The following OSBPL2 variants were observed in gnomAD, a reference collection of about 807,000 sequenced individuals.
OSBPL2 encodes oxysterol binding protein like 2, also known as oxysterol-binding protein-related protein 2.
Under a neutral mutation model 58.4 loss-of-function variants are expected in OSBPL2, and 18 were observed. The ratio of observed to expected loss-of-function variants is 0.31; its 90% confidence interval spans 0.21 to 0.46. The LOEUF is 0.46. Ranked by LOEUF, OSBPL2 falls within the 20% of genes least tolerant of loss-of-function variation. The pLI is 1.00. For missense variants in OSBPL2, 461 were observed against 616.5 expected (o/e 0.75, Z 2.67); for synonymous variants, 221 against 234.1 (o/e 0.94, Z 0.51).
At chr20:62,263,758 C>T in intron 4 of OSBPL2, 67 bp downstream of exon 4, 1 of 1,422,758 alleles carries the variant, frequency 7.0e-7, no homozygotes, top group African/African-American at 1.4e-5. Flanking sequence ...TATTGCAGTG[C>T]TGGTGGTTTA....
chr20:62,284,323 A>G (rs768556562), intron 10 of OSBPL2, 154 bp downstream of exon 10: 4 of 797,828 alleles, frequency 5.0e-6, no homozygotes, highest in South Asian at 4.6e-5. Context: ...CAGATGAACC[A>G]TATATTGTGG....
rs1982667577 is a variant in OSBPL2 at position 62,279,878 on chromosome 20, A to T, written c.674+539A>T. The T allele has an allele frequency of 1.7e-5, 19 of 1,127,002 alleles. 1 individual carries two copies. In the South Asian group the frequency reaches 2.7e-4, roughly 16 times the overall value. 69.8% of individuals were successfully genotyped at this position (1,127,002 alleles called of 1,614,324 possible). A position where few individuals can be genotyped will look rare whatever the true frequency, so the allele number is the denominator to read the frequency against. On this transcript the variant is annotated intron_variant, in intron 7 of 13. Transcript: ENST00000313733. Reference sequence around the variant, plus strand: ...GGAAGCCAGGGAAGTGGCCCTTTGCACACTCCCCCACCCTGTGCTCATGTG... The same window carrying T: ...GGAAGCCAGGGAAGTGGCCCTTTGCTCACTCCCCCACCCTGTGCTCATGTG...
chr20:62,276,137 G>A (rs1385227410), intron 6 of OSBPL2, among the ~76,000 whole-genome samples: 6 of 152,068 alleles, frequency 3.9e-5, no homozygotes, highest in Admixed American at 6.6e-5. Context: ...GGCTGGTGTC[G>A]AACTCCCAAC....
intron 4 of OSBPL2, among the ~76,000 whole-genome samples, chr20:62,266,696 A>G (rs1160831585): frequency 6.6e-6 from 1 of 152,222 alleles, no homozygotes; most frequent in Non-Finnish European, 1.5e-5. Context: ...CGTATTTTGA[A>G]GCAAATTCCA....
At chr20:62,279,524 G>A (rs868465021) in intron 7 of OSBPL2, 185 bp downstream of exon 7, 16 of 607,344 alleles carry the variant, frequency 2.6e-5, no homozygotes, top group Middle Eastern at 4.4e-4. Flanking sequence ...GCTGGGGTGC[G>A]TCCTCACGTC....
intron 7 of OSBPL2, among the ~76,000 whole-genome samples, chr20:62,279,712 G>C (rs1344666549): frequency 6.6e-6 from 1 of 152,234 alleles, no homozygotes; most frequent in Non-Finnish European, 1.5e-5. Context: ...TCCACACCAG[G>C]CTGGCAGGTG....
chr20:62,272,062 A>G lies in OSBPL2; in HGVS notation c.259-63A>G, dbSNP rs1982097842. ...ATGAAGGGATGCTCAGAGCAGGGGC[A>G]TCGGGCAGCCCAGCGGTGTCAGGAA... On this transcript the variant is annotated intron_variant, in intron 4 of 13. Transcript: ENST00000313733. 50 of 1,589,736 alleles carry G rather than the reference A, an allele frequency of 3.1e-5. 2 individuals carry two copies. The South Asian group carries it at 5.6e-4, about 18-fold the overall frequency.
intron 1 of OSBPL2, among the ~76,000 whole-genome samples, 181 bp downstream of exon 1, chr20:62,238,778 GC>G (rs905419021): frequency 6.6e-6 from 1 of 151,364 alleles, no homozygotes; most frequent in Non-Finnish European, 1.5e-5. Context: ...TGGGAGGCGC[GC>G]CCGGCCTAGG....
intron 3 of OSBPL2, among the ~76,000 whole-genome samples, chr20:62,261,816 A>G (rs1981331076): frequency 6.6e-6 from 1 of 152,140 alleles, no homozygotes; most frequent in South Asian, 2.1e-4. Flanking sequence ...CCCAGGCTGG[A>G]GTTCAGTGGC....
chr20:62,278,497 A>C (rs1982543687), intron 6 of OSBPL2: 1 of 146,692 alleles, frequency 6.8e-6, no homozygotes, highest in Admixed American at 8.2e-5. Flanking sequence ...GCCAAGTGCG[A>C]TGTCATGTTT....
intron 12 of OSBPL2, among the ~76,000 whole-genome samples, chr20:62,290,032 C>T (rs370151626): frequency 9.9e-5 from 15 of 152,276 alleles, no homozygotes; most frequent in South Asian, 2.1e-4. Context: ...TGTGAGGATC[C>T]GTGTAGCCAT....
At chr20:62,276,922 T>C (rs1982417140) in intron 6 of OSBPL2, among the ~76,000 whole-genome samples, 1 of 152,192 alleles carries the variant, frequency 6.6e-6, no homozygotes, top group Non-Finnish European at 1.5e-5. Flanking sequence ...ATTGACGGGA[T>C]TGGCTCTTAA....
intron 13 of OSBPL2, among the ~76,000 whole-genome samples, 192 bp downstream of exon 13, chr20:62,291,985 G>A (rs931251484): frequency 6.6e-6 from 1 of 151,008 alleles, no homozygotes; most frequent in Non-Finnish European, 1.5e-5. Flanking sequence ...GCTCCATTAA[G>A]GTAGTGACAC....
At chr20:62,290,095 G>A (rs771998911) in intron 12 of OSBPL2, among the ~76,000 whole-genome samples, 1 of 152,182 alleles carries the variant, frequency 6.6e-6, no homozygotes, top group Non-Finnish European at 1.5e-5. Flanking sequence ...ACACTCTCCC[G>A]GTGGGCTCTG....
intron 1 of OSBPL2, among the ~76,000 whole-genome samples, chr20:62,252,840 G>A (rs886282394): frequency 2.6e-5 from 4 of 152,244 alleles, no homozygotes; most frequent in African/African-American, 9.6e-5. Flanking sequence ...GAGTGAGAGA[G>A]ACGCCTTTAA....
At chr20:62,290,741 T>C (rs954597427) in intron 12 of OSBPL2, among the ~76,000 whole-genome samples, 2 of 149,978 alleles carry the variant, frequency 1.3e-5, no homozygotes, top group African/African-American at 2.5e-5. Context: ...TTTGTTTTTT[T>C]TGTTTTTTTT....
In OSBPL2 at chr20:62,279,214, T is replaced by C; in HGVS notation, c.549T>C (p.Ser183=). The change falls in exon 7 of 14, where the codon AGT becomes AGC. Residue 183 remains serine (S), a synonymous_variant. Transcript: ENST00000313733. ...SEQVSHHPPI[S]AFHSEGLNHD... ...AGGTCAGTCACCACCCCCCCATCAG[T>C]GCGTTCCACTCGGAAGGTCTCAACC... 1.2e-6 allele frequency: 2 copies of C among 1,614,238 alleles called. No homozygotes were observed. The highest frequency in any genetic ancestry group is 1.1e-5 in the South Asian group (1 of 91,088).
chr20:62,243,519 T>C (rs1451836757), intron 1 of OSBPL2, among the ~76,000 whole-genome samples: 1 of 152,112 alleles, frequency 6.6e-6, no homozygotes, highest in Non-Finnish European at 1.5e-5. Context: ...GGTAGAAGGC[T>C]CCTGGGTTAA....
At chr20:62,272,009 C>G (rs1271301884) in intron 4 of OSBPL2, 116 bp from the exon 5 acceptor site, 5 of 1,270,364 alleles carry the variant, frequency 3.9e-6, no homozygotes, top group East Asian at 4.7e-5. Context: ...GTTTGAAGAT[C>G]CGGTTCAACC....
Sources: gnomAD v4.1 joint callset for allele counts (sites outside exome capture counted in the v4.1 genomes callset) on GRCh38, gnomAD v4.1.1 for gene constraint, MANE v1.5 for transcripts, NCBI Gene and HGNC (gene_info 2026-07-23, HGNC 2026-07-21) for gene names.